Variants in TES observed in about 807,000 individuals in gnomAD.
TES encodes testin LIM domain protein, also known as testin.
Under a neutral mutation model 48.2 loss-of-function variants are expected in TES, and 41 were observed. That is an observed-to-expected ratio of 0.85 (90% confidence interval 0.66 to 1.10). The LOEUF (loss-of-function observed/expected upper bound fraction) is 1.10. TES is among the 50% of genes least tolerant of loss of function. The pLI, the probability that TES is intolerant of heterozygous loss-of-function variation, is 0.00. For missense variants in TES, 463 were observed against 515.1 expected (o/e 0.90, Z 0.98); for synonymous variants, 162 against 174.9 (o/e 0.93, Z 0.58).
At chr7:116,232,770 G>A (rs934266485) in intron 1 of TES, among the ~76,000 whole-genome samples, 1 of 152,108 alleles carries the variant, frequency 6.6e-6, no homozygotes, top group Non-Finnish European at 1.5e-5. Context: ...ACAATTTAAA[G>A]ACTTTCATTT....
rs1799987325 is a variant in TES at position 116,250,377 on chromosome 7, C to T, written c.583C>T (p.Pro195Ser). 2 of 1,613,936 alleles carry T rather than the reference C, an allele frequency of 1.2e-6. No individual in the cohort carries two copies. The highest frequency in any genetic ancestry group is 1.7e-6 in the Non-Finnish European group (2 of 1,179,906). ...TCTGGGAGTAGGAGATGTCAAACTT[C>T]CCTGTGAGATGGATGCCCAAGGCCC... is the stretch of plus-strand genomic sequence containing the variant. ...EALGVGDVKL[P>S]CEMDAQGPKQ... is the part of the protein sequence containing the mutation. Residue 195 changes from proline to serine, a missense_variant, in exon 4 of 7, where the codon CCC becomes TCC. Coordinates refer to ENST00000358204, the MANE Select transcript of TES (RefSeq NM_015641.4).
intron 2 of TES, among the ~76,000 whole-genome samples, chr7:116,247,523 A>T (rs1423427054): frequency 6.6e-6 from 1 of 151,796 alleles, no homozygotes; most frequent in East Asian, 1.9e-4. Context: ...TTTTTTTTTA[A>T]TGGTACAATT....
intron 1 of TES, among the ~76,000 whole-genome samples, chr7:116,232,361 A>G (rs917317693): frequency 6.6e-6 from 1 of 152,222 alleles, no homozygotes; most frequent in African/African-American, 2.4e-5. Context: ...TGAATTATAT[A>G]AAAGAGAGTT....
intron 6 of TES, 66 bp downstream of exon 6, chr7:116,252,542 A>G (rs1049291119): frequency 3.7e-6 from 6 of 1,610,866 alleles, no homozygotes; most frequent in Admixed American, 1.7e-5. Context: ...TGCTTTTCTT[A>G]AAGCCTCTTA....
chr7:116,252,051 A>G, intron 5 of TES, 76 bp downstream of exon 5: 1 of 1,441,644 alleles, frequency 6.9e-7, no homozygotes, highest in East Asian at 2.3e-5. Flanking sequence ...GAAGGCAACA[A>G]GACTTGACCA....
At chr7:116,249,393 C>T in intron 3 of TES, 121 bp downstream of exon 3, 10 of 1,200,470 alleles carry the variant, frequency 8.3e-6, no homozygotes, top group Non-Finnish European at 1.2e-5. Context: ...CCGGGGTTCT[C>T]ATTACTTTGA....
At chr7:116,217,752 G>C (rs1217343731) in intron 1 of TES, 1 of 514,974 alleles carries the variant, frequency 1.9e-6, no homozygotes, top group Non-Finnish European at 3.9e-6. Context: ...TTTGCCTCAA[G>C]CACTATTAGA....
At chr7:116,245,670 G>C (rs913229186) in intron 2 of TES, among the ~76,000 whole-genome samples, 1 of 151,932 alleles carries the variant, frequency 6.6e-6, no homozygotes, top group Non-Finnish European at 1.5e-5. Context: ...ACATTTTCAG[G>C]TATCCTTATG....
At chr7:116,236,738 T>C (rs1239874401) in intron 2 of TES, among the ~76,000 whole-genome samples, 1 of 152,212 alleles carries the variant, frequency 6.6e-6, no homozygotes, top group African/African-American at 2.4e-5. Flanking sequence ...ATCATTTTAA[T>C]CGATATTTTC....
At chr7:116,244,265 C>A (rs111966785) in intron 2 of TES, among the ~76,000 whole-genome samples, 50,766 of 151,982 alleles carry the variant, frequency 0.33, 8,922 homozygotes, top group East Asian at 0.57. Flanking sequence ...CATCTGAGAC[C>A]AGGCAAGTCC....
chr7:116,230,496 G>A (rs1554436902), intron 1 of TES, among the ~76,000 whole-genome samples: 1 of 152,182 alleles, frequency 6.6e-6, no homozygotes, highest in Non-Finnish European at 1.5e-5. Context: ...CTTTTCCCAA[G>A]GCCTGGTCTC....
chr7:116,250,176 C>T lies in TES; in HGVS notation c.382C>T (p.Gln128Ter), dbSNP rs771259080. The T allele has an allele frequency of 5.8e-6, 9 of 1,547,830 alleles. No homozygotes were observed. Among genetic ancestry groups the T allele is most frequent in the Middle Eastern group, 1.7e-4 (1 of 5,752 alleles). ...TGTGGTTCAGGCCAGGCAGTACATG[C>T]AGATGCTACCCAAGGAAAAGCAGCC... ...QNQALARQYM[Q>*]MLPKEKQPVA... The change falls in exon 4 of 7, where the codon CAG (glutamine) becomes TAG (stop). Residue 128 changes from glutamine to a stop codon, truncating the protein, a stop_gained. Coordinates refer to ENST00000358204, the MANE Select transcript of TES (RefSeq NM_015641.4). LOFTEE classifies it high-confidence loss of function.
chr7:116,251,632 G>A (rs11761901), intron 4 of TES, 128 bp from the exon 5 acceptor site: 216,843 of 848,454 alleles, frequency 0.26, 29,479 homozygotes, highest in African/African-American at 0.43. Flanking sequence ...GCAATGAGCC[G>A]AGATAGCACC....
intron 1 of TES, among the ~76,000 whole-genome samples, chr7:116,218,205 CTTGTGTTTATCA>C (rs1799516349): frequency 6.6e-6 from 1 of 152,060 alleles, no homozygotes; most frequent in South Asian, 2.1e-4. Context: ...AGTGATTCAG[CTTGTGTTTATCA>C]TTGTGACATT....
chr7:116,233,614 A>G (rs75990543), intron 1 of TES, among the ~76,000 whole-genome samples: 2 of 152,340 alleles, frequency 1.3e-5, no homozygotes, highest in East Asian at 1.9e-4. Flanking sequence ...AGCATTTTAT[A>G]TAGTTCTGTA....
chr7:116,218,439 A>C (rs1025841058), intron 1 of TES, among the ~76,000 whole-genome samples: 1 of 152,158 alleles, frequency 6.6e-6, no homozygotes, highest in African/African-American at 2.4e-5. Flanking sequence ...GACCATGTAG[A>C]TGTTAGGTGG....
chr7:116,253,143 A>G (rs141168422), intron 6 of TES, among the ~76,000 whole-genome samples: 111 of 152,342 alleles, frequency 7.3e-4, no homozygotes, highest in African/African-American at 2.6e-3. Flanking sequence ...CCAAATAGAC[A>G]TTTACTTCTT....
At chr7:116,235,506 CAATGTT>C (rs1799759135) in intron 2 of TES, among the ~76,000 whole-genome samples, 1 of 152,022 alleles carries the variant, frequency 6.6e-6, no homozygotes, top group South Asian at 2.1e-4. Flanking sequence ...ATACACAAGA[CAATGTT>C]AGTGAGTCAA....
chr7:116,248,983 A>G (rs1249074314), intron 2 of TES, 37 bp from the exon 3 acceptor site: 1 of 1,517,886 alleles, frequency 6.6e-7, no homozygotes, highest in Non-Finnish European at 8.8e-7. Context: ...TCAATTAGGT[A>G]CAATTAATCA....
Sources: gnomAD v4.1 joint callset for allele counts (sites outside exome capture counted in the v4.1 genomes callset) on GRCh38, gnomAD v4.1.1 for gene constraint, MANE v1.5 for transcripts, NCBI Gene and HGNC (gene_info 2026-07-23, HGNC 2026-07-21) for gene names.